The following RNF19B variants were observed in gnomAD, a reference collection of about 807,000 sequenced individuals.
RNF19B encodes the protein ring finger protein 19B, also known as E3 ubiquitin-protein ligase RNF19B.
In RNF19B, 23 loss-of-function variants were observed where a neutral mutation model predicts 65.5. That is an observed-to-expected ratio of 0.35 (90% CI 0.25 to 0.50). The LOEUF is 0.50. Ranked by LOEUF, RNF19B falls within the 20% of genes least tolerant of loss-of-function variation. The pLI, the probability that RNF19B is intolerant of heterozygous loss-of-function variation, is 0.98. For missense variants in RNF19B, 794 were observed against 980.0 expected, an observed-to-expected ratio of 0.81 and a Z score of 2.53; for synonymous variants, 372 against 379.6, an observed-to-expected ratio of 0.98 and a Z score of 0.23.
intron 2 of RNF19B, 67 bp downstream of exon 2, chr1:32,949,502 C>T (rs1202366631): frequency 1.4e-6 from 2 of 1,388,676 alleles, no homozygotes. Context: ...AAGATAATTT[C>T]TTTCAGCTAT....
At chr1:32,947,040 C>T (rs972988844) in intron 3 of RNF19B, among the ~76,000 whole-genome samples, 5 of 152,170 alleles carry the variant, frequency 3.3e-5, no homozygotes, top group African/African-American at 1.2e-4. Flanking sequence ...TCATCATAAC[C>T]TTTCTATCAG....
At chr1:32,936,028 C>T (rs558445906), downstream of RNF19B, among the ~76,000 whole-genome samples, 1 of 152,252 alleles carries the variant, frequency 6.6e-6, no homozygotes, top group Non-Finnish European at 1.5e-5. Context: ...GGATTACAGG[C>T]GTGAGCCACC....
chr1:32,936,762 G>C lies in RNF19B; in HGVS notation c.*44C>G. ...AAAAAAAAAAAAAATTCCAAAAGAT[G>C]CAGTTACAAGTGTGCTTCTCAGAAC... On this transcript the variant is annotated 3_prime_UTR_variant, in exon 9 of 9. Transcript: ENST00000235150. 1.4e-6 allele frequency: 2 copies of C among 1,388,656 alleles called. No individual in the cohort carries two copies. The highest frequency in any genetic ancestry group is 1.9e-5 in the South Asian group (1 of 52,586). 86.0% of individuals were successfully genotyped at this position (1,388,656 alleles called of 1,614,324 possible).
intron 1 of RNF19B, among the ~76,000 whole-genome samples, chr1:32,959,159 G>T (rs1019867658): frequency 2.6e-5 from 4 of 152,138 alleles, no homozygotes; most frequent in Non-Finnish European, 5.9e-5. Flanking sequence ...TAGTTGTCTG[G>T]GAAGGCCAAT....
At chr1:32,956,743 G>GAA (rs3064117) in intron 1 of RNF19B, among the ~76,000 whole-genome samples, 53,850 of 151,940 alleles carry the variant, frequency 0.35, 9,697 homozygotes, top group Admixed American at 0.43. Flanking sequence ...GCCCTGGAAA[G>GAA]AGATTTCCAT....
At position 32,962,533 on chromosome 1, in the gene RNF19B, G is replaced by A. The variant is rs374545267; in HGVS notation, c.635+1518C>T. On this transcript the variant is annotated intron_variant, in intron 1 of 8. Coordinates refer to ENST00000235150, the MANE Select transcript of RNF19B (RefSeq NM_001300826.2). ...CACCCATTTCTAAACAAGTTTGGCA[G>A]AATTAAAAACAGAAGTTAACTCTTC... 9.9e-5 allele frequency among the ~76,000 whole-genome samples: 15 copies of A among 152,266 alleles called. No individual in the cohort carries two copies. In the East Asian group the frequency reaches 2.1e-3, roughly 22 times the overall value.
At chr1:32,957,044 G>A (rs1289872502) in intron 1 of RNF19B, among the ~76,000 whole-genome samples, 1 of 152,110 alleles carries the variant, frequency 6.6e-6, no homozygotes, top group South Asian at 2.1e-4. Flanking sequence ...ATTCCATTCT[G>A]GAAGGTTACT....
Position 32,936,703 on chromosome 1 carries a change from G to C in RNF19B, c.*103C>G. Reference sequence around the variant, plus strand: ...AAAAACCTGTGACCAGAGAATCTGTGAAATAAAATACATAAATCTCTACCC... The same window carrying C: ...AAAAACCTGTGACCAGAGAATCTGTCAAATAAAATACATAAATCTCTACCC... On this transcript the variant is annotated 3_prime_UTR_variant, in exon 9 of 9. Transcript: ENST00000235150. 9.1e-7 allele frequency: 1 copy of C among 1,104,560 alleles called. No homozygotes were observed. The allele number at this position is 1,104,560 out of a possible 1,614,324, so 68.4% of individuals were successfully genotyped here.
At chr1:32,935,258 C>T (rs1570069402), downstream of RNF19B, among the ~76,000 whole-genome samples, 4 of 152,268 alleles carry the variant, frequency 2.6e-5, no homozygotes, top group Middle Eastern at 0.014. Flanking sequence ...CTGCCTCAGC[C>T]TCCCGAGTAG....
chr1:32,948,031 T>C lies in RNF19B; in HGVS notation c.983+191A>G, dbSNP rs577901249. 4.5e-4 allele frequency among the ~76,000 whole-genome samples: 69 copies of C among 152,172 alleles called. 2 individuals carry two copies. In the South Asian group the frequency reaches 0.014, roughly 31 times the overall value. On this transcript the variant is annotated intron_variant, in intron 3 of 8. Transcript: ENST00000235150. ...AAAAGCAAGTCCAGACTACCTGTAA[T>C]ATGGCAAGCAAAGAAAGGTAGAAAC...
rs763794285 is a variant in RNF19B, at chr1:32,948,382, G to GA, written c.842-20dup. On this transcript the variant is annotated intron_variant, in intron 2 of 8. Transcript: ENST00000235150. ...ATGTCATCTGCTATGAGTGGGGGAA[G>GA]AATGGGTAGAAAAAATACCCCTAGT... is the stretch of plus-strand genomic sequence containing the variant. 5 of 1,605,820 alleles carry GA rather than the reference G, an allele frequency of 3.1e-6. No homozygotes were observed. The Admixed American group carries it at 5.1e-5, about 16-fold the overall frequency.
downstream of RNF19B, among the ~76,000 whole-genome samples, chr1:32,935,039 C>T (rs543217778): frequency 2.0e-5 from 3 of 151,928 alleles, no homozygotes; most frequent in Admixed American, 6.6e-5. Flanking sequence ...ACCATGTTGG[C>T]CAGGATGGTC....
intron 1 of RNF19B, among the ~76,000 whole-genome samples, chr1:32,951,792 G>T (rs1642504966): frequency 6.6e-6 from 1 of 151,410 alleles, no homozygotes; most frequent in South Asian, 2.1e-4. Flanking sequence ...TCTCTCTTCT[G>T]ACACATATTC....
intron 1 of RNF19B, among the ~76,000 whole-genome samples, chr1:32,958,139 G>A (rs1424136841): frequency 3.9e-5 from 6 of 152,162 alleles, no homozygotes; most frequent in South Asian, 2.1e-4. Flanking sequence ...TATTAAAGGA[G>A]TTTAGGGAAA....
intron 7 of RNF19B, among the ~76,000 whole-genome samples, chr1:32,941,913 T>C (rs187145261): frequency 9.5e-4 from 145 of 151,834 alleles, no homozygotes; most frequent in Middle Eastern, 3.4e-3. Context: ...CTAGCTAACA[T>C]GGTGAAACTC....
intron 3 of RNF19B, 128 bp from the exon 4 acceptor site, chr1:32,946,692 C>T (rs1486313295): frequency 1.8e-5 from 15 of 812,126 alleles, no homozygotes; most frequent in African/African-American, 3.5e-5. Flanking sequence ...GAAATGAATA[C>T]ATTACACAAG....
chr1:32,932,499 C>T (rs1165870154), downstream of RNF19B, among the ~76,000 whole-genome samples: 1 of 152,192 alleles, frequency 6.6e-6, no homozygotes, highest in African/African-American at 2.4e-5. Flanking sequence ...TCAAGGAAAT[C>T]TAAGACATGA....
chr1:32,952,169 GT>G (rs1642516150), intron 1 of RNF19B, among the ~76,000 whole-genome samples: 1 of 151,712 alleles, frequency 6.6e-6, no homozygotes, highest in African/African-American at 2.4e-5. Context: ...TGTAGTTCAT[GT>G]TCATTTACCA....
chr1:32,953,304 T>C lies in RNF19B; in HGVS notation c.636-3530A>G, dbSNP rs146872533. On this transcript the variant is annotated intron_variant, in intron 1 of 8. Coordinates refer to ENST00000235150, the MANE Select transcript of RNF19B (RefSeq NM_001300826.2). ...CACACATTTTTAAAAACATCAGTAA[T>C]TGCAGGTTTCCGTGTTGCCATCTGC... Among the ~76,000 whole-genome samples, 145 of 152,116 alleles carry C rather than the reference T, an allele frequency of 9.5e-4. 3 individuals carry two copies. The East Asian group carries it at 0.022, about 23-fold the overall frequency.
Sources: gnomAD v4.1 joint callset for allele counts (sites outside exome capture counted in the v4.1 genomes callset) on GRCh38, gnomAD v4.1.1 for gene constraint, MANE v1.5 for transcripts, NCBI Gene and HGNC (gene_info 2026-07-23, HGNC 2026-07-21) for gene names.